The following CAMK2D variants were observed in gnomAD, a reference collection of about 807,000 sequenced individuals.
The protein encoded by CAMK2D is calcium/calmodulin-dependent protein kinase type II subunit delta.
CAMK2D carries 37 observed loss-of-function variants against 84.0 expected under a neutral mutation model. The observed-to-expected ratio is 0.44, with a 90% CI of 0.34 to 0.58. CAMK2D has a LOEUF of 0.58. CAMK2D is among the 20% of genes least tolerant of loss of function. The pLI, the probability that CAMK2D is intolerant of heterozygous loss-of-function variation, is 0.02. For synonymous variants in CAMK2D, 202 were observed against 212.5 expected, an observed-to-expected ratio of 0.95 and a Z score of 0.43; for missense variants, 448 against 652.5, an observed-to-expected ratio of 0.69 and a Z score of 3.41.
chr4:113,747,916 T>C (rs1427126272), intron 2 of CAMK2D, among the ~76,000 whole-genome samples: 2 of 152,182 alleles, frequency 1.3e-5, no homozygotes, highest in Non-Finnish European at 2.9e-5. Flanking sequence ...GATAAGTCTA[T>C]CACCAAGAGT....
chr4:113,688,511 C>T (rs2099366776), intron 2 of CAMK2D, among the ~76,000 whole-genome samples: 1 of 152,136 alleles, frequency 6.6e-6, no homozygotes, highest in African/African-American at 2.4e-5. Flanking sequence ...GTGTCTCTAG[C>T]CTGCACTCTG....
At chr4:113,520,171 C>A (rs1283981791) in intron 8 of CAMK2D, among the ~76,000 whole-genome samples, 1 of 151,570 alleles carries the variant, frequency 6.6e-6, no homozygotes, top group Non-Finnish European at 1.5e-5. Flanking sequence ...TTTGGGAGGC[C>A]AAAACGGGCA....
chr4:113,703,454 T>C (rs2099429069), intron 2 of CAMK2D, among the ~76,000 whole-genome samples: 2 of 152,070 alleles, frequency 1.3e-5, no homozygotes, highest in African/African-American at 4.8e-5. Context: ...GCCTCCCGAG[T>C]AGATGGGATC....
At chr4:113,497,048 A>G (rs909052336) in intron 16 of CAMK2D, among the ~76,000 whole-genome samples, 1 of 140,686 alleles carries the variant, frequency 7.1e-6, no homozygotes, top group Non-Finnish European at 1.5e-5. Flanking sequence ...AAAAGGAAAT[A>G]AAAGAACTTT....
intron 6 of CAMK2D, among the ~76,000 whole-genome samples, chr4:113,542,455 C>T (rs1471496776): frequency 6.6e-6 from 1 of 152,098 alleles, no homozygotes; most frequent in Non-Finnish European, 1.5e-5. Context: ...GTGGCTCGTG[C>T]GTGTAATCCC....
intron 4 of CAMK2D, among the ~76,000 whole-genome samples, chr4:113,586,161 CTTGGTGAGAGTAA>C (rs2098833256): frequency 6.6e-6 from 1 of 152,194 alleles, no homozygotes; most frequent in Non-Finnish European, 1.5e-5. Context: ...ATGTAATTCC[CTTGGTGAGAGTAA>C]TTGGTTCAAG....
At chr4:113,504,843 AAAAC>A (rs1447683240) in intron 14 of CAMK2D, 129 bp downstream of exon 14, 17 of 369,410 alleles carry the variant, frequency 4.6e-5, no homozygotes, top group Non-Finnish European at 7.0e-5. Context: ...AAAAAAAAAA[AAAAC>A]AAAACCCAAC....
At position 113,638,429 on chromosome 4, in the gene CAMK2D, T is replaced by C. The variant is rs1485388135; in HGVS notation, c.220+23284A>G. ...AGGTAGGAGAAAGTATATTATTTTC[T>C]TTTCTGAGGTGTGATTCCCATAGAG... On this transcript the variant is annotated intron_variant, in intron 3 of 20. Coordinates refer to ENST00000511664, the MANE Select transcript of CAMK2D (RefSeq NM_001321571.2). Among the ~76,000 whole-genome samples, 4 of 152,252 alleles carry C rather than the reference T, an allele frequency of 2.6e-5. No homozygotes were observed. The East Asian group carries it at 7.7e-4, about 29-fold the overall frequency.
At chr4:113,616,493 A>T (rs1180713579) in intron 3 of CAMK2D, among the ~76,000 whole-genome samples, 1 of 152,204 alleles carries the variant, frequency 6.6e-6, no homozygotes, top group Non-Finnish European at 1.5e-5. Flanking sequence ...ATAAGCCAGC[A>T]CTAATTAGAA....
intron 2 of CAMK2D, among the ~76,000 whole-genome samples, chr4:113,680,398 C>T (rs1158611374): frequency 6.6e-6 from 1 of 152,154 alleles, no homozygotes; most frequent in African/African-American, 2.4e-5. Context: ...TGAGGTGCCA[C>T]AAGAGGGAGA....
At chr4:113,484,097 T>C (rs891908972) in intron 16 of CAMK2D, among the ~76,000 whole-genome samples, 1 of 152,086 alleles carries the variant, frequency 6.6e-6, no homozygotes, top group African/African-American at 2.4e-5. Flanking sequence ...ATTACACATT[T>C]TACACAACAA....
intron 8 of CAMK2D, among the ~76,000 whole-genome samples, chr4:113,523,772 G>GAAAGAAAT (rs574996582): frequency 1.3e-5 from 2 of 151,024 alleles, no homozygotes; most frequent in Admixed American, 6.6e-5. Flanking sequence ...ACCCTGTCTC[G>GAAAGAAAT]AAATAAATAA....
chr4:113,744,632 A>T (rs2099600315), intron 2 of CAMK2D, among the ~76,000 whole-genome samples: 1 of 152,100 alleles, frequency 6.6e-6, no homozygotes, highest in Non-Finnish European at 1.5e-5. Context: ...CATAGCTTCT[A>T]CTATCTTCTC....
At chr4:113,688,910 C>CAAAAAAAAAAAAAAAAAAAAAAAAAAAA (rs34196728) in intron 2 of CAMK2D, among the ~76,000 whole-genome samples, 5 of 49,720 alleles carry the variant, frequency 1.0e-4, no homozygotes, top group Non-Finnish European at 1.5e-4. Flanking sequence ...AAAGAAGATG[C>CAAAAAAAAAAAAAAAAAAAAAAAAAAAA]AAAAAAAAAA....
At chr4:113,512,516 T>C (rs578005412) in intron 12 of CAMK2D, among the ~76,000 whole-genome samples, 3 of 152,286 alleles carry the variant, frequency 2.0e-5, no homozygotes, top group East Asian at 3.9e-4. Flanking sequence ...ACCAAGAAAA[T>C]ACTATACTTT....
At chr4:113,740,026 CAT>C (rs1217890849) in intron 2 of CAMK2D, among the ~76,000 whole-genome samples, 1 of 152,068 alleles carries the variant, frequency 6.6e-6, no homozygotes, top group Non-Finnish European at 1.5e-5. Context: ...ATTATATGCA[CAT>C]GTGTTATAAT....
chr4:113,511,949 TGAAGA>T (rs2098220213), intron 12 of CAMK2D, among the ~76,000 whole-genome samples: 1 of 152,180 alleles, frequency 6.6e-6, no homozygotes, highest in Non-Finnish European at 1.5e-5. Context: ...AGATATTGGT[TGAAGA>T]GCATTTAATA....
chr4:113,722,624 AG>A (rs2099534115), intron 2 of CAMK2D, among the ~76,000 whole-genome samples: 1 of 152,150 alleles, frequency 6.6e-6, no homozygotes, highest in Admixed American at 6.5e-5. Flanking sequence ...GGGGTACTCA[AG>A]GGAGTGAAAT....
intron 4 of CAMK2D, among the ~76,000 whole-genome samples, chr4:113,593,610 G>C (rs144869028): frequency 3.7e-4 from 56 of 152,306 alleles, no homozygotes; most frequent in East Asian, 1.9e-4. Context: ...GCTTCTGGAA[G>C]AAGGAGGAGA....
Sources: allele counts gnomAD v4.1 joint callset (sites outside exome capture counted in the v4.1 genomes callset), GRCh38; gene constraint gnomAD v4.1.1; transcripts MANE v1.5; gene names NCBI Gene and HGNC (gene_info 2026-07-23, HGNC 2026-07-21).